WDR33: variants seen among roughly 807,000 people sequenced by gnomAD.
WDR33 encodes the protein WD repeat domain 33.
WDR33 carries 47 observed loss-of-function variants against 164.9 expected under a neutral mutation model. The observed-to-expected ratio is 0.29, with a 90% confidence interval of 0.23 to 0.36. The LOEUF (loss-of-function observed/expected upper bound fraction) is 0.36. Ranked by LOEUF, WDR33 falls within the 10% of genes least tolerant of loss-of-function variation. The pLI is 1.00. For missense variants in WDR33, 1,137 were observed against 1,754.1 expected, an observed-to-expected ratio of 0.65 and a Z score of 6.28; for synonymous variants, 505 against 589.0, an observed-to-expected ratio of 0.86 and a Z score of 2.06.
intron 7 of WDR33, among the ~76,000 whole-genome samples, chr2:127,747,419 G>C (rs1197710538): frequency 3.3e-5 from 5 of 150,974 alleles, no homozygotes; most frequent in African/African-American, 1.2e-4. Context: ...CAATATTTTA[G>C]GGCTACCGCT....
chr2:127,734,006 T>A (rs946962356), intron 7 of WDR33, among the ~76,000 whole-genome samples: 3 of 152,210 alleles, frequency 2.0e-5, no homozygotes, highest in Admixed American at 2.0e-4. Flanking sequence ...AACATCCAGA[T>A]GAAGTGGATA....
At chr2:127,798,170 C>G (rs1397396359) in intron 1 of WDR33, among the ~76,000 whole-genome samples, 1 of 151,484 alleles carries the variant, frequency 6.6e-6, no homozygotes, top group Non-Finnish European at 1.5e-5. Context: ...GAGTTCAAGA[C>G]CAGCCTGGCC....
chr2:127,760,065 G>A (rs757269660), intron 7 of WDR33, among the ~76,000 whole-genome samples: 1 of 152,152 alleles, frequency 6.6e-6, no homozygotes, highest in Non-Finnish European at 1.5e-5. Context: ...AAGACAAGTT[G>A]TAAGGAAGCA....
In WDR33 at chr2:127,701,889, G is replaced by A. The variant is rs1685896210; in HGVS notation, c.*4434C>T. 2 of 1,456,630 alleles carry A rather than the reference G, an allele frequency of 1.4e-6. No homozygotes were observed. The highest frequency in any genetic ancestry group is 6.2e-5 in the East Asian group (2 of 32,408). 90.2% of individuals were successfully genotyped at this position (1,456,630 alleles called of 1,614,324 possible). On this transcript the variant is annotated 3_prime_UTR_variant, in exon 22 of 22. Coordinates refer to ENST00000322313, the MANE Select transcript of WDR33 (RefSeq NM_018383.5). The stretch of plus-strand genomic sequence containing the variant: ...GTCACTGGGCTCGGCGCTGGCGTTG[G>A]CGGGAAGCGCGCTGCTGCGGGGCGG...
chr2:127,737,665 C>G, intron 7 of WDR33: 2 of 1,040,350 alleles, frequency 1.9e-6, no homozygotes, highest in Non-Finnish European at 2.3e-6. Flanking sequence ...GACTGAAGCC[C>G]CTGGTAAGGA....
chr2:127,748,297 G>A (rs1341135666), intron 7 of WDR33, among the ~76,000 whole-genome samples: 1 of 152,178 alleles, frequency 6.6e-6, no homozygotes, highest in African/African-American at 2.4e-5. Flanking sequence ...GCTGCAATGA[G>A]CAATAAATCC....
At chr2:127,753,539 G>T (rs887423957) in intron 7 of WDR33, among the ~76,000 whole-genome samples, 3 of 152,136 alleles carry the variant, frequency 2.0e-5, no homozygotes, top group East Asian at 1.9e-4. Flanking sequence ...ACAAAATATT[G>T]TAACTTGCCC....
At chr2:127,728,193 C>A (rs993754247) in intron 7 of WDR33, among the ~76,000 whole-genome samples, 7 of 152,060 alleles carry the variant, frequency 4.6e-5, no homozygotes, top group Admixed American at 6.5e-5. Flanking sequence ...TAATAGAACA[C>A]AAATATATTA....
intron 1 of WDR33, among the ~76,000 whole-genome samples, chr2:127,781,079 G>A (rs920060038): frequency 6.6e-6 from 1 of 152,056 alleles, no homozygotes; most frequent in African/African-American, 2.4e-5. Context: ...GGCCAGGCTG[G>A]TCTCAAACTC....
intron 7 of WDR33, among the ~76,000 whole-genome samples, chr2:127,750,692 A>C (rs1281284606): frequency 5.2e-5 from 3 of 57,834 alleles, no homozygotes; most frequent in African/African-American, 2.8e-4. Context: ...ATATATATAT[A>C]TATATATATA....
Position 127,706,120 on chromosome 2 carries a change from GTGGA to G in WDR33, c.*199_*202del. On this transcript the variant is annotated 3_prime_UTR_variant, in exon 22 of 22. Transcript: ENST00000322313. The surrounding 1 kb of genome is among the most constrained non-coding windows in gnomAD (Gnocchi z 5.1). ...CAACATGGGAGTTGGGGCAATGAGG[GTGGA>G]CAGGACAGGGCCAGCCAGGCTGGTA... 1 of 413,188 alleles carries G rather than the reference GTGGA, an allele frequency of 2.4e-6. No homozygotes were observed. The allele number at this position is 413,188 out of a possible 1,614,324, so 25.6% of individuals were successfully genotyped here.
At chr2:127,754,573 C>G (rs111816088) in intron 7 of WDR33, among the ~76,000 whole-genome samples, 2,478 of 150,606 alleles carry the variant, frequency 0.016, 19 homozygotes, top group East Asian at 0.03. Flanking sequence ...TGCATGCCAC[C>G]ATGTTTTTCA....
At chr2:127,792,345 A>G (rs530395556) in intron 1 of WDR33, among the ~76,000 whole-genome samples, 114 of 152,130 alleles carry the variant, frequency 7.5e-4, no homozygotes, top group Non-Finnish European at 1.4e-3. Flanking sequence ...AAAATTTCCA[A>G]ACTGAGATGT....
chr2:127,776,002 TAA>T (rs1688173381), intron 1 of WDR33, among the ~76,000 whole-genome samples: 1 of 152,186 alleles, frequency 6.6e-6, no homozygotes, highest in Admixed American at 6.5e-5. Flanking sequence ...CTGCAAACTA[TAA>T]AGTTACTTGG....
rs373823981 is a variant in WDR33 at position 127,720,013 on chromosome 2, A to G, written c.2012T>C (p.Met671Thr). ...PPQGLPRPQD[M>T]HGPQGMQRHP... is the part of the protein sequence containing the mutation. The stretch of plus-strand genomic sequence containing the variant: ...CCTCTGCATTCCTTGGGGCCCATGC[A>G]TGTCCTGAGGCCGTGGCAACCCCTG... The change falls in exon 16 of 22, where the codon ATG becomes ACG. Residue 671 changes from methionine (M) to threonine (T), a missense_variant. Met to Thr is a moderately conservative substitution (Grantham distance 81, BLOSUM62 -1). Transcript: ENST00000322313. This position sits in a 1 kb window ranked among gnomAD's most constrained non-coding sequence, Gnocchi z 5.9. 6 of 1,613,470 alleles carry G rather than the reference A, an allele frequency of 3.7e-6. No homozygotes were observed. The highest frequency in any genetic ancestry group is 5.1e-6 in the Non-Finnish European group (6 of 1,179,804).
chr2:127,714,265 A>G lies in WDR33; in HGVS notation c.2870-244T>C, dbSNP rs2240817. The stretch of plus-strand genomic sequence containing the variant: ...CAAATTACTCATCTCAAATGAGATC[A>G]GCAGCATCTGTCCATCTCTTAGTAT... On this transcript the variant is annotated intron_variant, in intron 17 of 21. Transcript: ENST00000322313. The surrounding 1 kb of genome is among the most constrained non-coding windows in gnomAD (Gnocchi z 4.3). Among the ~76,000 whole-genome samples the G allele has an allele frequency of 0.13, 20,076 of 152,254 alleles. 1,447 individuals carry two copies. Among genetic ancestry groups the G allele is most frequent in the South Asian group, 0.25 (1,209 of 4,822 alleles).
rs1558914826 is a variant in WDR33, at chr2:127,702,731, T to C, written c.*3592A>G. 1 of 167,092 alleles carries C rather than the reference T, an allele frequency of 6.0e-6. No homozygotes were observed. The highest frequency in any genetic ancestry group is 1.5e-5 in the Non-Finnish European group (1 of 68,118). 10.4% of individuals were successfully genotyped at this position (167,092 alleles called of 1,614,324 possible). A position where few individuals can be genotyped will look rare whatever the true frequency, so the allele number is the denominator to read the frequency against. On this transcript the variant is annotated 3_prime_UTR_variant, in exon 22 of 22. Transcript: ENST00000322313. Reference sequence around the variant, plus strand: ...TTAAGATGGTTTATCTCGGGTTTTTTCTTCAGTTAACAAAATCATAAATAT... The same window carrying C: ...TTAAGATGGTTTATCTCGGGTTTTTCCTTCAGTTAACAAAATCATAAATAT...
At chr2:127,802,525 G>GC (rs1233450401) in intron 1 of WDR33, among the ~76,000 whole-genome samples, 3 of 151,932 alleles carry the variant, frequency 2.0e-5, no homozygotes, top group East Asian at 1.9e-4. Flanking sequence ...CAGGTGATCT[G>GC]CCCCCCTCGG....
At chr2:127,707,434 C>A (rs1686047984) in intron 21 of WDR33, among the ~76,000 whole-genome samples, 1 of 152,144 alleles carries the variant, frequency 6.6e-6, no homozygotes, top group South Asian at 2.1e-4. Flanking sequence ...GCCAAAGGAA[C>A]AATCTTGGCT....
Sources: allele counts gnomAD v4.1 joint callset (sites outside exome capture counted in the v4.1 genomes callset), GRCh38; gene constraint gnomAD v4.1.1; non-coding constraint Gnocchi (gnomAD v3.1); transcripts MANE v1.5; gene names NCBI Gene and HGNC (gene_info 2026-07-23, HGNC 2026-07-21).